The following UBE3D variants were observed in gnomAD, a reference collection of about 807,000 sequenced individuals.
UBE3D encodes ubiquitin protein ligase E3D, also known as E3 ubiquitin-protein ligase E3D.
UBE3D carries 48 observed loss-of-function variants against 49.6 expected under a neutral mutation model. That is an observed-to-expected ratio of 0.97 (90% CI 0.77 to 1.23). The LOEUF (loss-of-function observed/expected upper bound fraction) is 1.23. Ranked by LOEUF, UBE3D falls within the 50% of genes most tolerant of loss-of-function variation. UBE3D has a pLI of 0.00. For synonymous variants in UBE3D, 189 were observed against 174.2 expected (o/e 1.08, Z -0.67); for missense variants, 452 against 468.4 (o/e 0.96, Z 0.32).
intron 3 of UBE3D, among the ~76,000 whole-genome samples, chr6:83,046,656 A>T (rs1447880762): frequency 1.2e-5 from 1 of 84,546 alleles, no homozygotes; most frequent in Admixed American, 1.9e-4. Context: ...TAACGGTTCT[A>T]AATTCTTGCA....
chr6:82,895,830 A>T lies in UBE3D; in HGVS notation c.1150-2788T>A, dbSNP rs997441702. Among the ~76,000 whole-genome samples, 10 of 152,212 alleles carry T rather than the reference A, an allele frequency of 6.6e-5. No individual in the cohort carries two copies. The East Asian group carries it at 1.9e-3, about 29-fold the overall frequency. ...ACAGATGAATGACAGAAAACTACAG[A>T]GGCTTAGAGACTTCCAATCTTTGGT... On this transcript the variant is annotated intron_variant, in intron 9 of 9. Coordinates refer to ENST00000369747, the MANE Select transcript of UBE3D (RefSeq NM_198920.3).
At chr6:82,883,760 T>G in the UBE3D span, among the ~76,000 whole-genome samples, 1 of 152,158 alleles carries the variant, frequency 6.6e-6, no homozygotes, top group African/African-American at 2.4e-5. Flanking sequence ...AAACTTAAAG[T>G]TGGTAATGCT....
Position 83,057,856 on chromosome 6 carries a change from G to A in UBE3D, c.244C>T (p.Arg82Ter), listed in dbSNP as rs750546715. The change falls in exon 2 of 10, where the codon CGA becomes TGA. Residue 82 changes from arginine to a stop codon, truncating the protein, a stop_gained. Coordinates refer to ENST00000369747, the MANE Select transcript of UBE3D (RefSeq NM_198920.3). LOFTEE classifies it high-confidence loss of function. ...QFVVGDGLHL[R>*]LQTQAKLGTK... is the part of the protein sequence containing the mutation. Reference sequence around the variant, plus strand: ...CCTAATTTTGCTTGCGTCTGCAGTCGCAGGTGCAGTCCATCTCCAACAACA... The same window carrying A: ...CCTAATTTTGCTTGCGTCTGCAGTCACAGGTGCAGTCCATCTCCAACAACA... 6.2e-6 allele frequency: 10 copies of A among 1,613,988 alleles called. No homozygotes were observed. The African/African-American group carries it at 6.7e-5, about 11-fold the overall frequency.
chr6:82,936,132 T>C (rs1002357687), intron 9 of UBE3D, among the ~76,000 whole-genome samples: 2 of 152,118 alleles, frequency 1.3e-5, no homozygotes, highest in Non-Finnish European at 1.5e-5. Context: ...GTAAATATAC[T>C]GAACAATTTA....
At chr6:82,972,598 A>G (rs1777432721) in intron 8 of UBE3D, among the ~76,000 whole-genome samples, 1 of 152,200 alleles carries the variant, frequency 6.6e-6, no homozygotes, top group South Asian at 2.1e-4. Context: ...ATATAAAAAT[A>G]TAAGCTATAT....
chr6:82,890,832 A>G (rs1770965966), downstream of UBE3D, among the ~76,000 whole-genome samples: 1 of 152,222 alleles, frequency 6.6e-6, no homozygotes, highest in Non-Finnish European at 1.5e-5. Context: ...GTGCAATCAC[A>G]AGCACCTTTA....
chr6:83,031,775 T>C (rs940706956), intron 5 of UBE3D, among the ~76,000 whole-genome samples: 2 of 152,230 alleles, frequency 1.3e-5, no homozygotes, highest in Admixed American at 1.3e-4. Flanking sequence ...GGTTTCCTGC[T>C]GTGTGCAGCC....
chr6:82,929,272 C>T (rs889493480), intron 9 of UBE3D, among the ~76,000 whole-genome samples: 33 of 152,090 alleles, frequency 2.2e-4, no homozygotes, highest in Admixed American at 2.2e-3. Context: ...CAACACTGAC[C>T]TATAATAAAA....
chr6:82,984,470 C>A (rs1404284675), intron 8 of UBE3D, among the ~76,000 whole-genome samples: 1 of 152,080 alleles, frequency 6.6e-6, no homozygotes, highest in Non-Finnish European at 1.5e-5. Flanking sequence ...GTAATTTTTG[C>A]CAAATTTCCC....
rs558458945 is a variant in UBE3D, at chr6:82,997,931, C to T, written c.1010+21042G>A. 3.3e-5 allele frequency among the ~76,000 whole-genome samples: 5 copies of T among 150,322 alleles called. No individual in the cohort carries two copies. The South Asian group carries it at 8.6e-4, about 26-fold the overall frequency. On this transcript the variant is annotated intron_variant, in intron 8 of 9. Transcript: ENST00000369747. ...TTGAAATTATTTTACAAGGAGAATG[C>T]CTTCACCATTTACCTGGGGAATTAG...
chr6:83,050,077 A>G (rs1248958189), intron 3 of UBE3D, among the ~76,000 whole-genome samples: 1 of 152,218 alleles, frequency 6.6e-6, no homozygotes, highest in Non-Finnish European at 1.5e-5. Flanking sequence ...TCAAATAACC[A>G]CAACAAATAG....
At chr6:82,909,045 G>A (rs1426336237) in intron 9 of UBE3D, among the ~76,000 whole-genome samples, 2 of 152,156 alleles carry the variant, frequency 1.3e-5, no homozygotes, top group East Asian at 1.9e-4. Flanking sequence ...GTAGTCACAG[G>A]GAGTGTGGCA....
intron 9 of UBE3D, among the ~76,000 whole-genome samples, chr6:82,946,724 A>G (rs1188944224): frequency 6.6e-6 from 1 of 152,156 alleles, no homozygotes; most frequent in African/African-American, 2.4e-5. Context: ...AATAAGATAT[A>G]AACAGAAACA....
Position 82,937,750 on chromosome 6 carries a change from C to T in UBE3D, c.1149+19562G>A, listed in dbSNP as rs73477738. 8.3e-3 allele frequency among the ~76,000 whole-genome samples: 1,258 copies of T among 152,104 alleles called. 22 individuals are homozygous for T. Among genetic ancestry groups the T allele is most frequent in the African/African-American group, 0.029 (1,187 of 41,486 alleles). On this transcript the variant is annotated intron_variant, in intron 9 of 9. Transcript: ENST00000369747. ...TCTAAGGGAGGGTAGAGAAGGAAGA[C>T]GAAAGGGGGGAAATTACGGGCTGTC...
At chr6:82,985,351 T>TTTTTGTTTTG (rs200511813) in intron 8 of UBE3D, among the ~76,000 whole-genome samples, 1 of 151,916 alleles carries the variant, frequency 6.6e-6, no homozygotes, top group Non-Finnish European at 1.5e-5. Flanking sequence ...TGGTTTTGTT[T>TTTTTGTTTTG]TTTTGTTTTG....
intron 9 of UBE3D, among the ~76,000 whole-genome samples, chr6:82,917,058 T>C (rs1772968280): frequency 6.6e-6 from 1 of 152,182 alleles, no homozygotes; most frequent in South Asian, 2.1e-4. Flanking sequence ...CAAATCCTGC[T>C]TTATCCTCCT....
chr6:82,949,990 C>T (rs1054220530), intron 9 of UBE3D, among the ~76,000 whole-genome samples: 1 of 152,110 alleles, frequency 6.6e-6, no homozygotes, highest in Non-Finnish European at 1.5e-5. Context: ...CAAGCACAGG[C>T]AACTAAAGTA....
At chr6:82,964,511 G>A (rs1215718482) in intron 8 of UBE3D, among the ~76,000 whole-genome samples, 1 of 152,070 alleles carries the variant, frequency 6.6e-6, no homozygotes, top group African/African-American at 2.4e-5. Context: ...TAGATAATTT[G>A]AACTCTTCAA....
intron 3 of UBE3D, among the ~76,000 whole-genome samples, chr6:83,048,250 C>T (rs1294308576): frequency 3.3e-5 from 5 of 151,864 alleles, no homozygotes; most frequent in African/African-American, 9.7e-5. Context: ...TTCCAGGCCA[C>T]GCTAAGGGGT....
Sources: gnomAD v4.1 joint callset for allele counts (sites outside exome capture counted in the v4.1 genomes callset) on GRCh38, gnomAD v4.1.1 for gene constraint, MANE v1.5 for transcripts, NCBI Gene and HGNC (gene_info 2026-07-23, HGNC 2026-07-21) for gene names.